ARHGAP35: variants seen among roughly 807,000 people sequenced by gnomAD.
ARHGAP35 encodes Rho GTPase activating protein 35, also known as rho GTPase-activating protein 35.
In ARHGAP35, 15 loss-of-function variants were observed where a neutral mutation model predicts 111.1. That is an observed-to-expected ratio of 0.13 (90% CI 0.09 to 0.21). The LOEUF is 0.21. ARHGAP35 is among the 10% of genes least tolerant of loss of function. The pLI, the probability that ARHGAP35 is intolerant of heterozygous loss-of-function variation, is 1.00. For missense variants in ARHGAP35, 1,262 were observed against 1,873.0 expected, an observed-to-expected ratio of 0.67 and a Z score of 6.02; for synonymous variants, 643 against 710.3, an observed-to-expected ratio of 0.91 and a Z score of 1.51.
At chr19:46,887,838 T>C (rs1243955380) in intron 1 of ARHGAP35, among the ~76,000 whole-genome samples, 3 of 152,180 alleles carry the variant, frequency 2.0e-5, no homozygotes, top group Non-Finnish European at 4.4e-5. Flanking sequence ...TCTTTAGGTC[T>C]CTGGCTTAGA....
In ARHGAP35 at chr19:47,000,350, G is replaced by A; in HGVS notation, c.4162G>A (p.Val1388Met). 1 of 1,613,828 alleles carries A rather than the reference G, an allele frequency of 6.2e-7. No individual in the cohort carries two copies. Among genetic ancestry groups the A allele is most frequent in the African/African-American group, 1.3e-5 (1 of 74,982 alleles). ...HLNKVSHNNKVNLMTSENLSI... is the reference protein window; with the variant it reads ...HLNKVSHNNKMNLMTSENLSI... ...CCGCAGGGTCAGCCACAACAACAAG[G>A]TGAATCTCATGACCAGCGAGAACCT... Residue 1388 changes from valine to methionine, a missense_variant, in exon 7 of 7, where the codon GTG becomes ATG. Physicochemically the swap from Val to Met is conservative, Grantham distance 21. Transcript: ENST00000672722. This position sits in a 1 kb window ranked among gnomAD's most constrained non-coding sequence, Gnocchi z 6.9.
At chr19:46,951,748 C>A (rs2056414474) in intron 3 of ARHGAP35, among the ~76,000 whole-genome samples, 1 of 152,120 alleles carries the variant, frequency 6.6e-6, no homozygotes, top group African/African-American at 2.4e-5. Flanking sequence ...TGCTGGCCAT[C>A]CCCTTCATTT....
At position 46,996,166 on chromosome 19, in the gene ARHGAP35, C is replaced by T. The variant is rs546653617; in HGVS notation, c.4037-3138C>T. On this transcript the variant is annotated intron_variant, in intron 5 of 6. Transcript: ENST00000672722. ...TCACCCAGGCTGGAGCACAGTGGCA[C>T]GATCTTGGCTCACTGCAACCTCCAT... is the stretch of plus-strand genomic sequence containing the variant. 3.3e-3 allele frequency among the ~76,000 whole-genome samples: 506 copies of T among 152,298 alleles called. 3 individuals are homozygous for T. Among genetic ancestry groups the T allele is most frequent in the Middle Eastern group, 0.027 (8 of 294 alleles).
chr19:47,001,371 A>G lies in ARHGAP35; in HGVS notation c.*683A>G, dbSNP rs1022164751. 1.6e-5 allele frequency: 21 copies of G among 1,289,980 alleles called. No individual in the cohort carries two copies. In the Admixed American group the frequency reaches 2.1e-4, roughly 13 times the overall value. 79.9% of individuals were successfully genotyped at this position (1,289,980 alleles called of 1,614,324 possible). ...AACATTCCCTGGCAAACAAAGGAACACTAGGAGAAAAAATGGAAAAACCCT... is the reference window on the plus strand; with the variant it reads ...AACATTCCCTGGCAAACAAAGGAACGCTAGGAGAAAAAATGGAAAAACCCT... On this transcript the variant is annotated 3_prime_UTR_variant, in exon 7 of 7. Transcript: ENST00000672722. The surrounding 1 kb of genome is among the most constrained non-coding windows in gnomAD (Gnocchi z 5.4).
At chr19:46,869,638 T>C (rs1430874644) in intron 1 of ARHGAP35, among the ~76,000 whole-genome samples, 1 of 152,086 alleles carries the variant, frequency 6.6e-6, no homozygotes, top group Non-Finnish European at 1.5e-5. Flanking sequence ...CAAAGGAAAA[T>C]GATTACCATT....
At position 47,000,233 on chromosome 19, in the gene ARHGAP35, AG is replaced by A. The variant is rs1599876622; in HGVS notation, c.4143-97del. 2 of 1,290,018 alleles carry A rather than the reference AG, an allele frequency of 1.6e-6. No homozygotes were observed. Among genetic ancestry groups the A allele is most frequent in the East Asian group, 4.6e-5 (2 of 43,126 alleles). 79.9% of individuals were successfully genotyped at this position (1,290,018 alleles called of 1,614,324 possible). A position where few individuals can be genotyped will look rare whatever the true frequency, so the allele number is the denominator to read the frequency against. On this transcript the variant is annotated intron_variant, in intron 6 of 6. Transcript: ENST00000672722. The surrounding 1 kb of genome is among the most constrained non-coding windows in gnomAD (Gnocchi z 6.9). ...GGCCTTTTCTGCTCCACCTGAGGGA[AG>A]AAAGGTGGGCTCAGCCTGGGTGCTG...
intron 3 of ARHGAP35, among the ~76,000 whole-genome samples, chr19:46,953,549 G>C (rs1002956961): frequency 6.6e-6 from 1 of 152,146 alleles, no homozygotes; most frequent in Non-Finnish European, 1.5e-5. Flanking sequence ...AAAATAACTG[G>C]CTGCTCTGTA....
In ARHGAP35 at chr19:46,908,016, C is replaced by T. The variant is rs922782415; in HGVS notation, c.-188-10472C>T. On this transcript the variant is annotated intron_variant, in intron 1 of 6. Coordinates refer to ENST00000672722, the MANE Select transcript of ARHGAP35 (RefSeq NM_004491.5). This position sits in a 1 kb window ranked among gnomAD's most constrained non-coding sequence, Gnocchi z 4.2. ...GGAAATAGTAAGCCTTACTGTTGGA[C>T]TCGAAAATAAGCTGACCCATTTTTC... Among the ~76,000 whole-genome samples, 1 of 152,136 alleles carries T rather than the reference C, an allele frequency of 6.6e-6. No individual in the cohort carries two copies. Among genetic ancestry groups the T allele is most frequent in the Non-Finnish European group, 1.5e-5 (1 of 68,022 alleles).
intron 2 of ARHGAP35, among the ~76,000 whole-genome samples, chr19:46,927,559 G>A (rs1332615058): frequency 1.3e-5 from 2 of 152,222 alleles, no homozygotes; most frequent in Non-Finnish European, 2.9e-5. Context: ...GGCTGCTCTG[G>A]AGAGGTGAGG....
rs1001668621 is a variant in ARHGAP35 at position 46,999,465 on chromosome 19, C to G, written c.4142+56C>G. 3.5e-6 allele frequency: 4 copies of G among 1,130,758 alleles called. No homozygotes were observed. The East Asian group carries it at 1.0e-4, about 29-fold the overall frequency. The allele number at this position is 1,130,758 out of a possible 1,614,324, so 70.0% of individuals were successfully genotyped here. A position where few individuals can be genotyped will look rare whatever the true frequency, so the allele number is the denominator to read the frequency against. On this transcript the variant is annotated intron_variant, in intron 6 of 6. Transcript: ENST00000672722. This position sits in a 1 kb window ranked among gnomAD's most constrained non-coding sequence, Gnocchi z 5.4. ...CCTCCTGAAAATTGACAGCCAGGGT[C>G]AGTGTGTCGCAGAACAAGGCTCTGT...
chr19:47,002,196 G>C lies in ARHGAP35; in HGVS notation c.*1508G>C, dbSNP rs1267166449. 2 of 152,740 alleles carry C rather than the reference G, an allele frequency of 1.3e-5. No homozygotes were observed. Among genetic ancestry groups the C allele is most frequent in the African/African-American group, 4.8e-5 (2 of 41,464 alleles). The allele number at this position is 152,740 out of a possible 1,614,324, so 9.5% of individuals were successfully genotyped here. On this transcript the variant is annotated 3_prime_UTR_variant, in exon 7 of 7. Coordinates refer to ENST00000672722, the MANE Select transcript of ARHGAP35 (RefSeq NM_004491.5). The stretch of plus-strand genomic sequence containing the variant: ...GGGCCCCATGCCAGACAGCCCTTGG[G>C]GCTCGTTGCACTTTAAGAAATAGGA...
intron 1 of ARHGAP35, among the ~76,000 whole-genome samples, chr19:46,895,664 G>T (rs888516907): frequency 6.6e-6 from 1 of 152,218 alleles, no homozygotes; most frequent in Non-Finnish European, 1.5e-5. Context: ...CTGTTCTTCT[G>T]TGAGGCTTGG....
intron 1 of ARHGAP35, among the ~76,000 whole-genome samples, chr19:46,903,023 GA>G (rs1198981768): frequency 1.3e-5 from 2 of 152,220 alleles, no homozygotes; most frequent in African/African-American, 4.8e-5. Flanking sequence ...GTAATAGCCA[GA>G]AGGGATCGTG....
rs944121885 is a variant in ARHGAP35 at position 46,910,503 on chromosome 19, G to A, written c.-188-7985G>A. Among the ~76,000 whole-genome samples the A allele has an allele frequency of 1.3e-4, 19 of 151,676 alleles. 1 individual carries two copies. The highest frequency in any genetic ancestry group is 4.1e-4 in the African/African-American group (17 of 41,338). On this transcript the variant is annotated intron_variant, in intron 1 of 6. Coordinates refer to ENST00000672722, the MANE Select transcript of ARHGAP35 (RefSeq NM_004491.5). The stretch of plus-strand genomic sequence containing the variant: ...TTTGGGGTTTCACCATGTTGGCCAG[G>A]CTGGTCTCAGACTCCTGACCTCAAG...
rs776788082 is a variant in ARHGAP35, at chr19:46,919,587, A to G, written c.912A>G (p.Glu304=). The change falls in exon 2 of 7, where the codon GAA becomes GAG. Residue 304 remains glutamate (E), a synonymous_variant. Transcript: ENST00000672722. This position sits in a 1 kb window ranked among gnomAD's most constrained non-coding sequence, Gnocchi z 6.2. Reference sequence around the variant, plus strand: ...GCCGAAAGATGCAGGCCTCTCCAGAATACCAGGACTATGTCTACCTGGAAG... The same window carrying G: ...GCCGAAAGATGCAGGCCTCTCCAGAGTACCAGGACTATGTCTACCTGGAAG... The part of the protein sequence containing the change: ...SVSRKMQASP[E]YQDYVYLEGT... 3 of 1,613,994 alleles carry G rather than the reference A, an allele frequency of 1.9e-6. No homozygotes were observed. The South Asian group carries it at 3.3e-5, about 18-fold the overall frequency.
intron 2 of ARHGAP35, among the ~76,000 whole-genome samples, chr19:46,932,716 G>A (rs2056280106): frequency 1.3e-5 from 2 of 152,282 alleles, no homozygotes; most frequent in African/African-American, 4.8e-5. Context: ...TTATCTCAAG[G>A]AGGTATTCTG....
chr19:46,957,368 C>T (rs2056445647), intron 3 of ARHGAP35, among the ~76,000 whole-genome samples: 1 of 152,094 alleles, frequency 6.6e-6, no homozygotes, highest in South Asian at 2.1e-4. Flanking sequence ...CATCCCAGTG[C>T]TTCTGGAGGC....
At chr19:46,942,194 C>T (rs1224825076) in intron 3 of ARHGAP35, among the ~76,000 whole-genome samples, 1 of 152,210 alleles carries the variant, frequency 6.6e-6, no homozygotes, top group Non-Finnish European at 1.5e-5. Flanking sequence ...GATTCGTGAT[C>T]TGCTACTTAG....
chr19:46,917,201 A>C (rs1051194331), intron 1 of ARHGAP35, among the ~76,000 whole-genome samples: 1 of 151,808 alleles, frequency 6.6e-6, no homozygotes, highest in Non-Finnish European at 1.5e-5. Flanking sequence ...GAGTTTGACT[A>C]CTCTTAAGTA....
Sources: gnomAD v4.1 joint callset for allele counts (sites outside exome capture counted in the v4.1 genomes callset) on GRCh38, gnomAD v4.1.1 for gene constraint, Gnocchi (gnomAD v3.1) non-coding constraint, MANE v1.5 for transcripts, NCBI Gene and HGNC (gene_info 2026-07-23, HGNC 2026-07-21) for gene names.